The following AMBRA1 variants were observed in gnomAD, a reference collection of about 807,000 sequenced individuals.
The protein encoded by AMBRA1 is autophagy and beclin 1 regulator 1.
In AMBRA1, 47 loss-of-function variants were observed where a neutral mutation model predicts 125.4. The ratio of observed to expected loss-of-function variants is 0.37; its 90% CI spans 0.30 to 0.48. The LOEUF is 0.48. AMBRA1 is among the 20% of genes least tolerant of loss of function. The pLI, the probability that AMBRA1 is intolerant of heterozygous loss-of-function variation, is 0.99. For missense variants in AMBRA1, 1,331 were observed against 1,693.4 expected, an observed-to-expected ratio of 0.79 and a Z score of 3.76; for synonymous variants, 626 against 655.5, an observed-to-expected ratio of 0.95 and a Z score of 0.69.
At chr11:46,531,577 G>GCA (rs1440730645) in intron 7 of AMBRA1, among the ~76,000 whole-genome samples, 1 of 152,092 alleles carries the variant, frequency 6.6e-6, no homozygotes, top group African/African-American at 2.4e-5. Context: ...AGGCCTGGTG[G>GCA]TGGGCACCTG....
chr11:46,541,323 G>A (rs1952727213), intron 7 of AMBRA1, among the ~76,000 whole-genome samples: 6 of 152,142 alleles, frequency 3.9e-5, no homozygotes, highest in Admixed American at 3.3e-4. Context: ...AGTCCACCTG[G>A]AAGGTCCATT....
intron 7 of AMBRA1, among the ~76,000 whole-genome samples, chr11:46,527,139 G>T (rs923995543): frequency 2.7e-4 from 41 of 151,990 alleles, no homozygotes; most frequent in Non-Finnish European, 5.4e-4. Context: ...GTAGAAAATG[G>T]TCCTAGAATT....
chr11:46,527,477 CAAAAA>C (rs59904013), intron 7 of AMBRA1, among the ~76,000 whole-genome samples: 34 of 25,938 alleles, frequency 1.3e-3, no homozygotes, highest in African/African-American at 4.5e-3. Context: ...GAGACTGTCT[CAAAAA>C]AAAAAAAAAA....
Position 46,418,771 on chromosome 11 carries a change from A to G in AMBRA1, c.2977-719T>C, listed in dbSNP as rs148552959. Reference sequence around the variant, plus strand: ...CTTTTAAGAAATACTAGGGGACTCTATGGCTCTAATAATGCGCTCTCCTTA... The same window carrying G: ...CTTTTAAGAAATACTAGGGGACTCTGTGGCTCTAATAATGCGCTCTCCTTA... On this transcript the variant is annotated intron_variant, in intron 14 of 17. Transcript: ENST00000683756. 4.5e-3 allele frequency among the ~76,000 whole-genome samples: 678 copies of G among 152,282 alleles called. 4 individuals are homozygous for G. The highest frequency in any genetic ancestry group is 0.021 in the South Asian group (100 of 4,820).
intron 8 of AMBRA1, among the ~76,000 whole-genome samples, chr11:46,510,086 G>C (rs1173909955): frequency 6.6e-6 from 1 of 152,096 alleles, no homozygotes; most frequent in Non-Finnish European, 1.5e-5. Flanking sequence ...GAATTCCCAA[G>C]CAGAACAGCT....
At chr11:46,536,563 G>C (rs1461899927) in intron 7 of AMBRA1, among the ~76,000 whole-genome samples, 1 of 152,174 alleles carries the variant, frequency 6.6e-6, no homozygotes, top group Non-Finnish European at 1.5e-5. Context: ...TAGTAGTCAG[G>C]CTAAGAAGAC....
chr11:46,524,726 C>A (rs1309755677), intron 7 of AMBRA1, among the ~76,000 whole-genome samples: 12 of 152,214 alleles, frequency 7.9e-5, no homozygotes, highest in Admixed American at 5.2e-4. Context: ...TAGATTACAG[C>A]TCCCAAAATA....
intron 11 of AMBRA1, among the ~76,000 whole-genome samples, chr11:46,475,288 G>A (rs953385299): frequency 2.0e-5 from 3 of 152,188 alleles, no homozygotes; most frequent in Admixed American, 6.5e-5. Context: ...TTATGGGTGT[G>A]TCTCCATGAC....
chr11:46,465,146 A>G (rs1381640865), intron 11 of AMBRA1, among the ~76,000 whole-genome samples: 2 of 152,200 alleles, frequency 1.3e-5, no homozygotes, highest in Non-Finnish European at 2.9e-5. Flanking sequence ...CCACACCTAC[A>G]GCCCAGACCC....
intron 7 of AMBRA1, among the ~76,000 whole-genome samples, chr11:46,525,969 GTCAA>G (rs1951951762): frequency 6.6e-6 from 1 of 152,032 alleles, no homozygotes; most frequent in Non-Finnish European, 1.5e-5. Flanking sequence ...ACTTTGGGAG[GTCAA>G]GGCGGACAGA....
intron 1 of AMBRA1, among the ~76,000 whole-genome samples, chr11:46,564,488 T>C (rs1443431463): frequency 2.6e-5 from 4 of 151,932 alleles, no homozygotes; most frequent in Non-Finnish European, 5.9e-5. Flanking sequence ...GAAGGAGAGA[T>C]TCAAAATCAA....
intron 1 of AMBRA1, among the ~76,000 whole-genome samples, chr11:46,549,865 T>C (rs1176264598): frequency 6.6e-6 from 1 of 152,094 alleles, no homozygotes; most frequent in African/African-American, 2.4e-5. Context: ...GTGGCCCCAG[T>C]TGGAGTGCAA....
At chr11:46,415,459 T>G (rs753763355) in intron 15 of AMBRA1, among the ~76,000 whole-genome samples, 27 of 152,264 alleles carry the variant, frequency 1.8e-4, no homozygotes, top group Non-Finnish European at 3.2e-4. Flanking sequence ...AAAAGCGCTC[T>G]GGATAGTAAA....
Position 46,542,237 on chromosome 11 carries a change from C to A in AMBRA1, c.1780G>T (p.Gly594Cys). 1 of 1,614,096 alleles carries A rather than the reference C, an allele frequency of 6.2e-7. No individual in the cohort carries two copies. The change falls in exon 7 of 18, where the codon GGC becomes TGC. Residue 594 changes from glycine to cysteine, a missense_variant. Coordinates refer to ENST00000683756, the MANE Select transcript of AMBRA1 (RefSeq NM_001387011.1). The surrounding 1 kb of genome is among the most constrained non-coding windows in gnomAD (Gnocchi z 5.9). ...ACCTGCCAAGAGGAACTAGCCTCGCCAGAGGAGTAGTTAGGTGTGGTTCTT... is the reference window on the plus strand; with the variant it reads ...ACCTGCCAAGAGGAACTAGCCTCGCAAGAGGAGTAGTTAGGTGTGGTTCTT... Reference protein sequence around the residue: ...WERTTPNYSSGEASSSWQVPS... With the variant: ...WERTTPNYSSCEASSSWQVPS...
chr11:46,465,583 A>G (rs1192366570), intron 11 of AMBRA1, among the ~76,000 whole-genome samples: 2 of 152,178 alleles, frequency 1.3e-5, no homozygotes, highest in Non-Finnish European at 2.9e-5. Context: ...ATCACAGAGG[A>G]AGCCTCTCTA....
intron 1 of AMBRA1, among the ~76,000 whole-genome samples, chr11:46,563,928 T>C (rs1214731433): frequency 1.3e-5 from 2 of 150,482 alleles, no homozygotes; most frequent in Non-Finnish European, 2.9e-5. Flanking sequence ...GTGGATCACC[T>C]GAAGTCAGGA....
At chr11:46,575,698 G>T (rs916114688) in intron 1 of AMBRA1, among the ~76,000 whole-genome samples, 6 of 151,824 alleles carry the variant, frequency 4.0e-5, no homozygotes, top group African/African-American at 1.5e-4. Flanking sequence ...TGTATTTTTA[G>T]TAGAGATGGG....
Position 46,593,846 on chromosome 11 carries a change from C to T in AMBRA1, c.-139G>A. ...GGCCTACCTGCAAGGCAGACGGGAG[C>T]TCGGTTTGCAGTCCAGCGAACGGGC... is the stretch of plus-strand genomic sequence containing the variant. On this transcript the variant is annotated 5_prime_UTR_variant, in exon 1 of 18. Coordinates refer to ENST00000683756, the MANE Select transcript of AMBRA1 (RefSeq NM_001387011.1). 2 of 397,050 alleles carry T rather than the reference C, an allele frequency of 5.0e-6. No homozygotes were observed. Among genetic ancestry groups the T allele is most frequent in the African/African-American group, 4.1e-5 (2 of 48,730 alleles). 24.6% of individuals were successfully genotyped at this position (397,050 alleles called of 1,614,324 possible). A position where few individuals can be genotyped will look rare whatever the true frequency, so the allele number is the denominator to read the frequency against.
intron 1 of AMBRA1, among the ~76,000 whole-genome samples, chr11:46,568,122 T>C (rs1244941631): frequency 6.6e-6 from 1 of 151,818 alleles, no homozygotes; most frequent in Non-Finnish European, 1.5e-5. Context: ...CACTCCAGCC[T>C]GGGAGACAGA....
Sources: gnomAD v4.1 joint callset for allele counts (sites outside exome capture counted in the v4.1 genomes callset) on GRCh38, gnomAD v4.1.1 for gene constraint, Gnocchi (gnomAD v3.1) non-coding constraint, MANE v1.5 for transcripts, NCBI Gene and HGNC (gene_info 2026-07-23, HGNC 2026-07-21) for gene names.